Variants in ZYG11B observed in about 807,000 individuals in gnomAD.
ZYG11B encodes the protein protein zyg-11 homolog B.
In ZYG11B, 36 loss-of-function variants were observed where a neutral mutation model predicts 82.4. The ratio of observed to expected loss-of-function variants is 0.44; its 90% confidence interval spans 0.33 to 0.58. ZYG11B has a LOEUF of 0.58. ZYG11B is among the 20% of genes least tolerant of loss of function. The probability of loss-of-function intolerance (pLI) is 0.02; values close to 1 mark genes in which losing one functional copy is unlikely to be tolerated. For synonymous variants in ZYG11B, 303 were observed against 312.8 expected (o/e 0.97, Z 0.33); for missense variants, 552 against 895.6 (o/e 0.62, Z 4.90).
chr1:52,753,425 T>TTC (rs1644543087), intron 1 of ZYG11B, among the ~76,000 whole-genome samples: 1 of 39,682 alleles, frequency 2.5e-5, no homozygotes, highest in African/African-American at 6.2e-5. Context: ...GTTGTTGTTC[T>TTC]TTTTTTTTTT....
intron 10 of ZYG11B, among the ~76,000 whole-genome samples, chr1:52,804,761 A>G (rs1165714111): frequency 6.6e-6 from 1 of 152,148 alleles, no homozygotes; most frequent in African/African-American, 2.4e-5. Context: ...CAAAGTGTCT[A>G]TGTGGCAAAA....
intron 10 of ZYG11B, among the ~76,000 whole-genome samples, chr1:52,810,366 T>C (rs545272163): frequency 6.6e-6 from 1 of 152,330 alleles, no homozygotes; most frequent in African/African-American, 2.4e-5. Flanking sequence ...ATTACTCTGC[T>C]GAATAGAGTG....
At chr1:52,727,813 G>A (rs1248257798) in intron 1 of ZYG11B, among the ~76,000 whole-genome samples, 1 of 152,134 alleles carries the variant, frequency 6.6e-6, no homozygotes, top group African/African-American at 2.4e-5. Flanking sequence ...TAAGTGGTTT[G>A]CTGTACATTT....
At chr1:52,783,147 G>A (rs568911771) in intron 4 of ZYG11B, among the ~76,000 whole-genome samples, 2 of 152,022 alleles carry the variant, frequency 1.3e-5, no homozygotes, top group African/African-American at 4.8e-5. Context: ...GGCTGGTCTC[G>A]AACTCCTGAT....
intron 13 of ZYG11B, 60 bp downstream of exon 13, chr1:52,816,689 G>A: frequency 1.6e-6 from 2 of 1,265,708 alleles, no homozygotes; most frequent in Non-Finnish European, 2.3e-6. Flanking sequence ...TCATTTCCCA[G>A]GAAAGATATT....
chr1:52,782,991 ATC>A, intron 4 of ZYG11B, among the ~76,000 whole-genome samples: 1 of 147,398 alleles, frequency 6.8e-6, no homozygotes, highest in Non-Finnish European at 1.5e-5. Context: ...CAGTGGTGCT[ATC>A]TCAGCTCACT....
intron 13 of ZYG11B, among the ~76,000 whole-genome samples, chr1:52,817,799 A>ATATATATC (rs1645244125): frequency 2.1e-5 from 1 of 47,666 alleles, no homozygotes; most frequent in Non-Finnish European, 4.6e-5. Context: ...ATATATATAT[A>ATATATATC]TATATATATA....
rs1377521191 is a variant in ZYG11B at position 52,801,917 on chromosome 1, T to C, written c.1584T>C (p.Ser528=). ...LSALWNLTDE[S]PTTCRHFIEN... is the part of the protein sequence containing the mutation. ...CACTTTGGAACCTCACAGATGAATC[T>C]CCAACCACTTGTAGACACTTTATTG... The change falls in exon 9 of 14, where the codon TCT becomes TCC. Residue 528 remains serine, a synonymous_variant. Coordinates refer to ENST00000294353, the MANE Select transcript of ZYG11B (RefSeq NM_024646.3). The C allele has an allele frequency of 6.2e-7, 1 of 1,613,236 alleles. No homozygotes were observed. Among genetic ancestry groups the C allele is most frequent in the Non-Finnish European group, 8.5e-7 (1 of 1,179,686 alleles).
chr1:52,817,792 TATATATATATATATATATATATA>T (rs1194177206), intron 13 of ZYG11B, among the ~76,000 whole-genome samples: 10 of 42,456 alleles, frequency 2.4e-4, no homozygotes, highest in Non-Finnish European at 3.7e-4. Flanking sequence ...TATATATATA[TATATATATATATATATATATATA>T]TTTTTTTTTT....
chr1:52,813,057 A>G (rs1191606557), intron 10 of ZYG11B, among the ~76,000 whole-genome samples: 1 of 152,164 alleles, frequency 6.6e-6, no homozygotes, highest in Non-Finnish European at 1.5e-5. Flanking sequence ...ATTTAGCCCT[A>G]CTACTATCAA....
chr1:52,779,283 A>C (rs10888757), intron 3 of ZYG11B, among the ~76,000 whole-genome samples: 16,022 of 152,164 alleles, frequency 0.11, 1,891 homozygotes, highest in East Asian at 0.35. Context: ...GCCTTATAAT[A>C]GTGTTAAATA....
In ZYG11B at chr1:52,822,766, T is replaced by C. The variant is rs1446202512; in HGVS notation, c.*1137T>C. On this transcript the variant is annotated 3_prime_UTR_variant, in exon 14 of 14. Transcript: ENST00000294353. ...TCTACTCGCAGTGCATAACAGCACA[T>C]ATTTTTGACAGATTATTTTTTAGGC... 3 of 152,238 alleles carry C rather than the reference T, an allele frequency of 2.0e-5. No homozygotes were observed. Among genetic ancestry groups the C allele is most frequent in the African/African-American group, 7.2e-5 (3 of 41,460 alleles). 9.4% of individuals were successfully genotyped at this position (152,238 alleles called of 1,614,324 possible). A position where few individuals can be genotyped will look rare whatever the true frequency, so the allele number is the denominator to read the frequency against.
chr1:52,760,636 T>A (rs1449129956), intron 2 of ZYG11B, among the ~76,000 whole-genome samples: 1 of 152,194 alleles, frequency 6.6e-6, no homozygotes, highest in Non-Finnish European at 1.5e-5. Context: ...TCTTTTATTT[T>A]TTGTAGAGAC....
At chr1:52,732,643 T>C (rs968799736) in intron 1 of ZYG11B, among the ~76,000 whole-genome samples, 4 of 152,098 alleles carry the variant, frequency 2.6e-5, no homozygotes, top group African/African-American at 9.7e-5. Flanking sequence ...CACACACCAG[T>C]AGTCCCAACT....
In ZYG11B at chr1:52,757,520, C is replaced by G. The variant is rs1319623482; in HGVS notation, c.196+897C>G. ...GCGAAACCCCATCTTTACTAAAATA[C>G]AAAAATTAGCTGAGTGTGGCAATAC... On this transcript the variant is annotated intron_variant, in intron 2 of 13. Transcript: ENST00000294353. Among the ~76,000 whole-genome samples the G allele has an allele frequency of 4.6e-5, 7 of 151,974 alleles. No individual in the cohort carries two copies. In the South Asian group the frequency reaches 1.5e-3, roughly 32 times the overall value.
intron 10 of ZYG11B, among the ~76,000 whole-genome samples, chr1:52,810,105 G>C (rs1645170761): frequency 6.6e-6 from 1 of 152,088 alleles, no homozygotes; most frequent in South Asian, 2.1e-4. Flanking sequence ...TTGATCACTT[G>C]CTTTTTATGA....
intron 1 of ZYG11B, among the ~76,000 whole-genome samples, chr1:52,735,557 G>A (rs1276888768): frequency 6.6e-6 from 1 of 151,636 alleles, no homozygotes; most frequent in Non-Finnish European, 1.5e-5. Flanking sequence ...TTTATTTTGA[G>A]ACAGAGTCTC....
intron 12 of ZYG11B, among the ~76,000 whole-genome samples, chr1:52,814,704 TACACACACACAC>T (rs10644507): frequency 2.2e-5 from 2 of 91,952 alleles, no homozygotes; most frequent in East Asian, 3.0e-4. Context: ...CAAATGTAAA[TACACACACACAC>T]ACACACACAC....
chr1:52,741,298 CAA>C (rs770092920), intron 1 of ZYG11B, among the ~76,000 whole-genome samples: 4 of 72,216 alleles, frequency 5.5e-5, no homozygotes, highest in East Asian at 5.3e-4. Context: ...GACTTCGTCT[CAA>C]AAAAAAAAAA....
Sources: gnomAD v4.1 joint callset for allele counts (sites outside exome capture counted in the v4.1 genomes callset) on GRCh38, gnomAD v4.1.1 for gene constraint, MANE v1.5 for transcripts, NCBI Gene and HGNC (gene_info 2026-07-23, HGNC 2026-07-21) for gene names.